Variants in ZNF804B observed in about 807,000 individuals in gnomAD.
ZNF804B encodes the protein zinc finger 804B.
Under a neutral mutation model 101.4 loss-of-function variants are expected in ZNF804B, and 80 were observed. The observed-to-expected ratio is 0.79, with a 90% CI of 0.66 to 0.95. ZNF804B has a LOEUF of 0.95. Among genes scored for constraint, ZNF804B ranks in the 40% least tolerant of loss-of-function variants. The pLI, the probability that ZNF804B is intolerant of heterozygous loss-of-function variation, is 0.00. For synonymous variants in ZNF804B, 622 were observed against 558.8 expected, an observed-to-expected ratio of 1.11 and a Z score of -1.59; for missense variants, 1,673 against 1,561.9, an observed-to-expected ratio of 1.07 and a Z score of -1.20.
At chr7:89,145,444 A>T (rs1790777685) in intron 1 of ZNF804B, among the ~76,000 whole-genome samples, 1 of 151,982 alleles carries the variant, frequency 6.6e-6, no homozygotes, top group South Asian at 2.1e-4. Context: ...TGCTTTAATG[A>T]CCTAATGCAT....
At chr7:89,115,904 G>GTTTTTTTT (rs112266242) in intron 1 of ZNF804B, among the ~76,000 whole-genome samples, 1 of 146,056 alleles carries the variant, frequency 6.8e-6, no homozygotes, top group African/African-American at 2.5e-5. Context: ...AGGTTTTTTT[G>GTTTTTTTT]TTTTTTTTTT....
intron 1 of ZNF804B, among the ~76,000 whole-genome samples, chr7:89,144,730 T>C (rs537396827): frequency 2.6e-4 from 39 of 152,220 alleles, no homozygotes; most frequent in African/African-American, 8.9e-4. Context: ...TATGAGTTAA[T>C]GAATTTGTTA....
chr7:89,059,629 C>T (rs1042172063), intron 1 of ZNF804B, among the ~76,000 whole-genome samples: 1 of 152,100 alleles, frequency 6.6e-6, no homozygotes. Context: ...TTAGAAGGGG[C>T]ACACATCCAG....
intron 1 of ZNF804B, among the ~76,000 whole-genome samples, chr7:89,017,132 CTGTT>C (rs1788578583): frequency 1.3e-5 from 2 of 152,136 alleles, no homozygotes; most frequent in Non-Finnish European, 1.5e-5. Flanking sequence ...ATTTGGCTCT[CTGTT>C]TGTCTGCTAT....
chr7:89,252,186 TA>T (rs1789551939), intron 2 of ZNF804B, among the ~76,000 whole-genome samples: 1 of 151,998 alleles, frequency 6.6e-6, no homozygotes, highest in South Asian at 2.1e-4. Context: ...CGAGAATCTA[TA>T]AAAAACTTAA....
intron 1 of ZNF804B, among the ~76,000 whole-genome samples, chr7:88,882,805 G>A (rs1792063784): frequency 6.6e-6 from 1 of 152,034 alleles, no homozygotes; most frequent in South Asian, 2.1e-4. Flanking sequence ...TAAACATTTA[G>A]CATTACACAC....
chr7:88,949,796 C>T (rs1438952422), intron 1 of ZNF804B, among the ~76,000 whole-genome samples: 4 of 151,832 alleles, frequency 2.6e-5, no homozygotes, highest in Admixed American at 1.3e-4. Context: ...TGTTTAGATA[C>T]ATAAATATTT....
At chr7:89,276,336 C>T (rs536401095) in intron 2 of ZNF804B, among the ~76,000 whole-genome samples, 1 of 151,726 alleles carries the variant, frequency 6.6e-6, no homozygotes, top group Non-Finnish European at 1.5e-5. Context: ...ATAAAAATTA[C>T]TCCATGTGCA....
At chr7:88,961,669 G>A (rs1267367285) in intron 1 of ZNF804B, among the ~76,000 whole-genome samples, 1 of 151,344 alleles carries the variant, frequency 6.6e-6, no homozygotes, top group Non-Finnish European at 1.5e-5. Flanking sequence ...GCCCTCATGG[G>A]CATGAGGTAA....
intron 1 of ZNF804B, among the ~76,000 whole-genome samples, chr7:88,986,931 T>C (rs1392563158): frequency 3.3e-5 from 5 of 152,116 alleles, no homozygotes; most frequent in Non-Finnish European, 7.4e-5. Context: ...CAGTACCTCA[T>C]TTCCAAGTAA....
chr7:88,894,576 T>C (rs1222102410), intron 1 of ZNF804B, among the ~76,000 whole-genome samples: 1 of 152,134 alleles, frequency 6.6e-6, no homozygotes, highest in Admixed American at 6.5e-5. Context: ...CAGATAACAA[T>C]TTTATTTATC....
intron 1 of ZNF804B, among the ~76,000 whole-genome samples, chr7:89,075,183 T>C (rs1196115627): frequency 6.6e-6 from 1 of 152,152 alleles, no homozygotes; most frequent in Non-Finnish European, 1.5e-5. Flanking sequence ...CTTCAGAAAT[T>C]TGCATAAGTA....
chr7:89,229,333 A>C (rs1789151369), intron 2 of ZNF804B, among the ~76,000 whole-genome samples: 1 of 152,240 alleles, frequency 6.6e-6, no homozygotes, highest in Admixed American at 6.5e-5. Context: ...GTCTACAAGA[A>C]ACCCACTTCA....
intron 1 of ZNF804B, among the ~76,000 whole-genome samples, chr7:88,989,812 C>T (rs573192060): frequency 1.2e-3 from 181 of 152,044 alleles, no homozygotes; most frequent in Non-Finnish European, 1.6e-3. Context: ...TGAATCACTA[C>T]GAAATCTAAA....
intron 1 of ZNF804B, among the ~76,000 whole-genome samples, chr7:88,806,168 A>G (rs755133891): frequency 2.5e-4 from 38 of 152,166 alleles, no homozygotes; most frequent in Admixed American, 3.3e-4. Context: ...AGAAAAATCT[A>G]AACATTAATC....
intron 1 of ZNF804B, among the ~76,000 whole-genome samples, chr7:89,109,250 C>T (rs1790178875): frequency 6.6e-6 from 1 of 151,320 alleles, no homozygotes. Flanking sequence ...ATTTTACTGT[C>T]TATTCGTTAC....
chr7:88,763,766 GATA>G (rs1789936389), intron 1 of ZNF804B, among the ~76,000 whole-genome samples: 1 of 151,830 alleles, frequency 6.6e-6, no homozygotes, highest in African/African-American at 2.4e-5. Context: ...AAAATAGATA[GATA>G]GATAGATAGA....
intron 1 of ZNF804B, among the ~76,000 whole-genome samples, chr7:89,026,660 T>C (rs1249047747): frequency 6.6e-6 from 1 of 152,084 alleles, no homozygotes; most frequent in East Asian, 1.9e-4. Flanking sequence ...TGAAATGATC[T>C]TGGGAAAAAG....
At chr7:88,927,407 C>T (rs1214474285) in intron 1 of ZNF804B, among the ~76,000 whole-genome samples, 12 of 152,210 alleles carry the variant, frequency 7.9e-5, no homozygotes, top group Middle Eastern at 3.4e-3. Context: ...TTATCTAATA[C>T]GTTCAAACAC....
Sources: gnomAD v4.1 joint callset for allele counts (sites outside exome capture counted in the v4.1 genomes callset) on GRCh38, gnomAD v4.1.1 for gene constraint, MANE v1.5 for transcripts, NCBI Gene and HGNC (gene_info 2026-07-23, HGNC 2026-07-21) for gene names.